The following ESRRG variants were observed in gnomAD, a reference collection of about 807,000 sequenced individuals.
The protein encoded by ESRRG is estrogen-related receptor gamma.
Under a neutral mutation model 44.0 loss-of-function variants are expected in ESRRG, and 13 were observed. That is an observed-to-expected ratio of 0.30 (90% confidence interval 0.19 to 0.47). The LOEUF (loss-of-function observed/expected upper bound fraction) is 0.47. Among genes scored for constraint, ESRRG ranks in the 20% least tolerant of loss-of-function variants. The pLI, the probability that ESRRG is intolerant of heterozygous loss-of-function variation, is 1.00. For synonymous variants in ESRRG, 215 were observed against 214.6 expected, an observed-to-expected ratio of 1.00 and a Z score of -0.02; for missense variants, 395 against 580.6, an observed-to-expected ratio of 0.68 and a Z score of 3.29.
upstream of ESRRG, among the ~76,000 whole-genome samples, chr1:217,093,554 G>A (rs749530786): frequency 9.8e-4 from 149 of 152,154 alleles, 1 homozygote; most frequent in Non-Finnish European, 1.8e-3. Context: ...AGGCCAAGGC[G>A]GGAGGATCGC....
chr1:216,646,327 C>A (rs542873780), intron 3 of ESRRG, among the ~76,000 whole-genome samples: 2 of 152,122 alleles, frequency 1.3e-5, no homozygotes, highest in Admixed American at 1.3e-4. Flanking sequence ...AATTACATGA[C>A]CTTGGGTTGG....
intron 2 of ESRRG, among the ~76,000 whole-genome samples, chr1:216,898,478 C>T (rs1000194353): frequency 3.3e-5 from 5 of 151,882 alleles, no homozygotes; most frequent in East Asian, 1.9e-4. Context: ...ATTAGCTGGG[C>T]GTGGTGGTGG....
chr1:216,629,687 A>C (rs1257822221), intron 3 of ESRRG, among the ~76,000 whole-genome samples: 1 of 152,154 alleles, frequency 6.6e-6, no homozygotes, highest in East Asian at 1.9e-4. Context: ...TAACTTGCGC[A>C]CTGAATAGAA....
In ESRRG at chr1:216,973,903, T is replaced by C. The variant is rs568380417; in HGVS notation, c.-105-34230A>G. Among the ~76,000 whole-genome samples the C allele has an allele frequency of 2.0e-4, 31 of 152,176 alleles. 1 individual carries two copies. The South Asian group carries it at 4.8e-3, about 23-fold the overall frequency. ...AAATCTAGCTACTATAACAGCATTC[T>C]TGATTCTTAAAAACCCATAAGCGTA... On this transcript the variant is annotated intron_variant, in intron 1 of 7. Transcript: ENST00000359162.
At chr1:216,921,338 A>G (rs34936607) in intron 2 of ESRRG, among the ~76,000 whole-genome samples, 9,831 of 152,212 alleles carry the variant, frequency 0.065, 422 homozygotes, top group Non-Finnish European at 0.091. Context: ...TCCATCGGTA[A>G]GACGAGGATA....
intron 3 of ESRRG, among the ~76,000 whole-genome samples, chr1:216,603,372 A>T (rs570284642): frequency 6.6e-6 from 1 of 152,344 alleles, no homozygotes; most frequent in East Asian, 1.9e-4. Context: ...TTGAAGTAGC[A>T]TGCAAATATT....
intron 5 of ESRRG, among the ~76,000 whole-genome samples, chr1:216,538,816 G>A (rs1422792903): frequency 2.0e-5 from 3 of 151,974 alleles, no homozygotes; most frequent in Non-Finnish European, 4.4e-5. Context: ...GAGGTTGCAA[G>A]ATGTTTATTA....
chr1:216,966,941 A>G (rs945921723), intron 1 of ESRRG, among the ~76,000 whole-genome samples: 4 of 152,102 alleles, frequency 2.6e-5, no homozygotes, highest in African/African-American at 2.4e-5. Flanking sequence ...GGCTGGCCCT[A>G]CTTGCATCTC....
intron 1 of ESRRG, among the ~76,000 whole-genome samples, chr1:217,108,010 T>TA (rs34011683): frequency 0.042 from 6,340 of 149,378 alleles, 464 homozygotes; most frequent in African/African-American, 0.15. Context: ...CTGCTATGTT[T>TA]AAAAAAAAAA....
rs764472684 is a variant in ESRRG, at chr1:217,114,122, T to C, written c.-230+23545A>G. On this transcript the variant is annotated intron_variant, in intron 1 of 8. Coordinates refer to the ESRRG transcript ENST00000366940. ...ACTGTACCACAAAAAGTAAAAACTA[T>C]TAAGATTTAAAGATTACTGTTAGTT... Among the ~76,000 whole-genome samples, 5 of 152,080 alleles carry C rather than the reference T, an allele frequency of 3.3e-5. No individual in the cohort carries two copies. In the East Asian group the frequency reaches 9.6e-4, roughly 29 times the overall value.
At chr1:217,135,550 T>TGGCGGC (rs900707186) in intron 1 of ESRRG, among the ~76,000 whole-genome samples, 1 of 150,876 alleles carries the variant, frequency 6.6e-6, no homozygotes, top group Non-Finnish European at 1.5e-5. Flanking sequence ...GCGGCGGTGT[T>TGGCGGC]GGCGGCGGCG....
chr1:217,096,352 C>T (rs1348484755), intron 1 of ESRRG, among the ~76,000 whole-genome samples: 3 of 152,226 alleles, frequency 2.0e-5, no homozygotes, highest in East Asian at 1.9e-4. Context: ...CTACCAACTA[C>T]GTTCTCAGCT....
intron 1 of ESRRG, among the ~76,000 whole-genome samples, chr1:217,055,281 G>A (rs917023430): frequency 3.9e-5 from 6 of 152,204 alleles, no homozygotes; most frequent in African/African-American, 1.4e-4. Context: ...TCAAGGGGTA[G>A]AAGAAGAGAC....
chr1:216,930,928 A>G (rs2063257625), intron 2 of ESRRG, among the ~76,000 whole-genome samples: 1 of 152,244 alleles, frequency 6.6e-6, no homozygotes, highest in African/African-American at 2.4e-5. Context: ...GAAGAAGAGC[A>G]ACTAGAAGTG....
chr1:216,634,220 A>T (rs1317328737), intron 3 of ESRRG, among the ~76,000 whole-genome samples: 4 of 152,294 alleles, frequency 2.6e-5, no homozygotes, highest in African/African-American at 7.2e-5. Flanking sequence ...GTTATCTTGG[A>T]TGAATGTGAT....
chr1:216,718,199 T>C (rs768257125), intron 1 of ESRRG, among the ~76,000 whole-genome samples: 25 of 151,838 alleles, frequency 1.6e-4, no homozygotes, highest in Non-Finnish European at 3.0e-4. Context: ...GCCTGGCAAA[T>C]TTAACTGGCA....
intron 2 of ESRRG, among the ~76,000 whole-genome samples, chr1:216,921,970 T>C (rs1027973322): frequency 5.1e-4 from 77 of 152,114 alleles, no homozygotes; most frequent in African/African-American, 1.8e-3. Flanking sequence ...TTCTGGAGGG[T>C]GAAGGTTGTA....
At chr1:216,651,534 T>G (rs1171913542) in intron 2 of ESRRG, among the ~76,000 whole-genome samples, 1 of 152,178 alleles carries the variant, frequency 6.6e-6, no homozygotes, top group Non-Finnish European at 1.5e-5. Context: ...CAGTATAAAC[T>G]TCACTGTGGA....
At chr1:216,861,198 A>G (rs777809627) in intron 2 of ESRRG, among the ~76,000 whole-genome samples, 57 of 152,206 alleles carry the variant, frequency 3.7e-4, no homozygotes, top group Non-Finnish European at 5.7e-4. Context: ...AAAAAATGAA[A>G]TAAATAAAAA....
Sources: gnomAD v4.1 joint callset for allele counts (sites outside exome capture counted in the v4.1 genomes callset) on GRCh38, gnomAD v4.1.1 for gene constraint, MANE v1.5 for transcripts, NCBI Gene and HGNC (gene_info 2026-07-23, HGNC 2026-07-21) for gene names.